Variants in UNC80 observed in about 807,000 individuals in gnomAD.
UNC80 encodes unc-80 subunit of NALCN channel complex, also known as protein unc-80 homolog.
Under a neutral mutation model 384.6 loss-of-function variants are expected in UNC80, and 164 were observed. The ratio of observed to expected loss-of-function variants is 0.43; its 90% CI spans 0.38 to 0.49. The LOEUF is 0.49. Among genes scored for constraint, UNC80 ranks in the 20% least tolerant of loss-of-function variants. The probability of loss-of-function intolerance (pLI) is 0.00; values close to 1 mark genes in which losing one functional copy is unlikely to be tolerated. For synonymous variants in UNC80, 1,486 were observed against 1,527.8 expected, an observed-to-expected ratio of 0.97 and a Z score of 0.64; for missense variants, 3,330 against 4,143.0, an observed-to-expected ratio of 0.80 and a Z score of 5.39.
intron 49 of UNC80, among the ~76,000 whole-genome samples, chr2:209,958,826 A>C (rs1349462351): frequency 6.6e-6 from 1 of 152,198 alleles, no homozygotes; most frequent in Admixed American, 6.5e-5. Context: ...AAAATGTCCA[A>C]AAATTTCTCT....
Position 209,813,596 on chromosome 2 carries a change from C to G in UNC80, c.955C>G (p.Pro319Ala). Residue 319 changes from proline (P) to alanine (A), a missense_variant, in exon 8 of 65, where the codon CCT becomes GCT. By Grantham distance (27) the Pro-to-Ala change is conservative. Transcript: ENST00000673920. ...PSHSRASLVI[P>A]PCQRSRYATY... is the part of the protein sequence containing the mutation. ...ATGGAACAGGGCCTCTCTTGTGATA[C>G]CTCCGTGCCAAAGGTCCCGCTATGC... 6.4e-7 allele frequency: 1 copy of G among 1,551,446 alleles called. No homozygotes were observed. The highest frequency in any genetic ancestry group is 8.7e-7 in the Non-Finnish European group (1 of 1,146,832).
At chr2:209,831,927 T>C (rs988460725) in intron 16 of UNC80, among the ~76,000 whole-genome samples, 15 of 152,330 alleles carry the variant, frequency 9.8e-5, no homozygotes, top group African/African-American at 3.6e-4. Flanking sequence ...TAAAGAATGT[T>C]ATCCCAAGTA....
chr2:209,772,713 T>C (rs541486654), intron 1 of UNC80, among the ~76,000 whole-genome samples: 66 of 152,320 alleles, frequency 4.3e-4, no homozygotes, highest in African/African-American at 1.4e-3. Context: ...TTATTATTGT[T>C]ATTTTAGAGA....
intron 7 of UNC80, among the ~76,000 whole-genome samples, chr2:209,811,337 G>A (rs976238653): frequency 4.6e-5 from 7 of 152,164 alleles, no homozygotes; most frequent in African/African-American, 1.7e-4. Context: ...GTTCACTACT[G>A]TAAGGGAGCT....
intron 6 of UNC80, among the ~76,000 whole-genome samples, chr2:209,792,957 GA>G (rs2077918060): frequency 6.6e-6 from 1 of 152,150 alleles, no homozygotes; most frequent in African/African-American, 2.4e-5. Context: ...AACTTCAGAA[GA>G]CTTAATTCAT....
At chr2:209,922,514 A>C in intron 35 of UNC80, 131 bp downstream of exon 35, 1 of 1,154,550 alleles carries the variant, frequency 8.7e-7, no homozygotes, top group Non-Finnish European at 1.2e-6. Context: ...ACATTCTAAA[A>C]AAAATTAGCA....
chr2:209,885,876 T>G (rs1021466517), intron 25 of UNC80, among the ~76,000 whole-genome samples: 17 of 151,876 alleles, frequency 1.1e-4, no homozygotes, highest in Non-Finnish European at 2.4e-4. Context: ...CTGATTCTCC[T>G]GCCTCAACCT....
intron 7 of UNC80, chr2:209,809,354 C>G: frequency 1.1e-6 from 1 of 899,866 alleles, no homozygotes; most frequent in Non-Finnish European, 1.9e-6. Flanking sequence ...AAGGCCTTCT[C>G]CAGACCCTGG....
chr2:209,798,130 A>T (rs2078286145), intron 7 of UNC80, among the ~76,000 whole-genome samples: 1 of 152,142 alleles, frequency 6.6e-6, no homozygotes, highest in Non-Finnish European at 1.5e-5. Flanking sequence ...CTCTGATGAT[A>T]GTTTATTTTG....
chr2:209,831,561 C>A lies in UNC80; in HGVS notation c.2745C>A (p.Thr915=). 6.5e-7 allele frequency: 1 copy of A among 1,549,646 alleles called. No individual in the cohort carries two copies. The highest frequency in any genetic ancestry group is 8.7e-7 in the Non-Finnish European group (1 of 1,146,048). The part of the protein sequence containing the change: ...FKSLITRCAS[T]THELHSPENL... ...CCCTCATCACACGCTGCGCTTCAAC[C>A]ACACATGAATTGCACAGCCCTGAGA... Residue 915 remains threonine (T), a synonymous_variant, in exon 16 of 65, where the codon ACC becomes ACA. Transcript: ENST00000673920.
At chr2:209,942,737 A>C (rs967110109) in intron 44 of UNC80, among the ~76,000 whole-genome samples, 3 of 151,944 alleles carry the variant, frequency 2.0e-5, no homozygotes, top group Non-Finnish European at 4.4e-5. Flanking sequence ...ACCAAAAGCG[A>C]TTATGTTCAT....
chr2:209,962,321 C>T (rs1048812489), intron 51 of UNC80, among the ~76,000 whole-genome samples: 1 of 152,088 alleles, frequency 6.6e-6, no homozygotes, highest in Non-Finnish European at 1.5e-5. Flanking sequence ...TGAGAGGCCA[C>T]AGAGAGGAGG....
chr2:209,978,801 T>C, intron 59 of UNC80, 93 bp downstream of exon 59: 1 of 1,217,904 alleles, frequency 8.2e-7, no homozygotes, highest in East Asian at 2.8e-5. Flanking sequence ...CCTTTTCCGC[T>C]TCTGATCCCC....
In UNC80 at chr2:209,939,546, C is replaced by T. The variant is rs1378531705; in HGVS notation, c.6540C>T (p.Ala2180=). 6.4e-7 allele frequency: 1 copy of T among 1,551,724 alleles called. No individual in the cohort carries two copies. The highest frequency in any genetic ancestry group is 1.4e-5 in the African/African-American group (1 of 73,146). ...LISLTQKIPT[A]HKQSHVSMLQ... ...CCCTAACCCAGAAGATCCCCACAGC[C>T]CACAAACAGTCCCACGTCTCCATGC... is the stretch of plus-strand genomic sequence containing the variant. Residue 2180 remains alanine (A), a synonymous_variant, in exon 43 of 65, where the codon GCC becomes GCT. Transcript: ENST00000673920.
chr2:209,948,716 G>A (rs1332539217), intron 47 of UNC80, among the ~76,000 whole-genome samples: 1 of 152,080 alleles, frequency 6.6e-6, no homozygotes, highest in East Asian at 1.9e-4. Context: ...ATGATGGTGG[G>A]ATCTTTGTTT....
At chr2:209,831,646 G>A (rs1574640589) in intron 16 of UNC80, 55 bp downstream of exon 16, 1 of 1,427,176 alleles carries the variant, frequency 7.0e-7, no homozygotes, top group Non-Finnish European at 9.2e-7. Flanking sequence ...CCTGAGAAAA[G>A]TACTCATTGT....
intron 28 of UNC80, among the ~76,000 whole-genome samples, chr2:209,898,535 G>A (rs932162000): frequency 1.3e-5 from 2 of 152,058 alleles, no homozygotes; most frequent in Non-Finnish European, 2.9e-5. Context: ...TACATGAGGT[G>A]TTTTGATACA....
chr2:209,827,019 G>A (rs2080576093), intron 14 of UNC80, among the ~76,000 whole-genome samples: 1 of 151,786 alleles, frequency 6.6e-6, no homozygotes, highest in African/African-American at 2.4e-5. Flanking sequence ...TTTCTGTTTT[G>A]CTGTTTTATA....
chr2:209,812,110 C>T (rs1332305303), intron 7 of UNC80, among the ~76,000 whole-genome samples: 2 of 152,048 alleles, frequency 1.3e-5, no homozygotes, highest in East Asian at 3.9e-4. Context: ...AGTGCAGTGG[C>T]GCTATCTCGG....
Sources: allele counts gnomAD v4.1 joint callset (sites outside exome capture counted in the v4.1 genomes callset), GRCh38; gene constraint gnomAD v4.1.1; transcripts MANE v1.5; gene names NCBI Gene and HGNC (gene_info 2026-07-23, HGNC 2026-07-21).